PLGRKT: variants seen among roughly 807,000 people sequenced by gnomAD.
PLGRKT encodes the protein plasminogen receptor (KT).
In PLGRKT, 22 loss-of-function variants were observed where a neutral mutation model predicts 18.5. The observed-to-expected ratio is 1.19, with a 90% CI of 0.85 to 1.70. The LOEUF (loss-of-function observed/expected upper bound fraction) is 1.70, where lower values mean the gene tolerates loss of function less well. PLGRKT is among the 40% of genes most tolerant of loss of function. PLGRKT has a pLI of 0.00. For synonymous variants in PLGRKT, 72 were observed against 52.8 expected (o/e 1.36, Z -1.58); for missense variants, 235 against 174.4 (o/e 1.35, Z -1.96).
intron 3 of PLGRKT, among the ~76,000 whole-genome samples, chr9:5,376,571 T>C (rs1214819640): frequency 6.6e-6 from 1 of 152,198 alleles, no homozygotes; most frequent in Non-Finnish European, 1.5e-5. Context: ...TACTCTTTGA[T>C]CTAGTAATTC....
intron 3 of PLGRKT, among the ~76,000 whole-genome samples, chr9:5,388,220 A>G (rs1817881952): frequency 1.3e-5 from 2 of 151,844 alleles, no homozygotes; most frequent in African/African-American, 4.9e-5. Context: ...GAGGCAAAGG[A>G]GACTGAGACA....
intron 3 of PLGRKT, among the ~76,000 whole-genome samples, chr9:5,367,034 C>CAT (rs1259002339): frequency 4.4e-5 from 6 of 137,798 alleles, no homozygotes; most frequent in African/African-American, 1.4e-4. Context: ...CACACATACA[C>CAT]ACACACACAC....
At chr9:5,408,571 T>A (rs534390921) in intron 3 of PLGRKT, among the ~76,000 whole-genome samples, 1 of 152,286 alleles carries the variant, frequency 6.6e-6, no homozygotes, top group East Asian at 1.9e-4. Flanking sequence ...AAAGGGAGCA[T>A]AAAAGTTTAC....
At chr9:5,386,126 G>T (rs981793516) in intron 3 of PLGRKT, among the ~76,000 whole-genome samples, 1 of 151,860 alleles carries the variant, frequency 6.6e-6, no homozygotes, top group African/African-American at 2.4e-5. Flanking sequence ...ATTGATGTCA[G>T]TAAGAAGTCC....
intron 3 of PLGRKT, among the ~76,000 whole-genome samples, chr9:5,400,795 T>C (rs1437387361): frequency 1.3e-5 from 2 of 151,970 alleles, no homozygotes; most frequent in Non-Finnish European, 2.9e-5. Flanking sequence ...ATCCTTAACA[T>C]AAACAAATGT....
intron 3 of PLGRKT, among the ~76,000 whole-genome samples, chr9:5,406,218 A>G (rs1818254479): frequency 6.6e-6 from 1 of 152,238 alleles, no homozygotes; most frequent in South Asian, 2.1e-4. Flanking sequence ...TCAAAGATTT[A>G]GAACCGAAAA....
chr9:5,419,152 C>A (rs1342489742), intron 3 of PLGRKT, among the ~76,000 whole-genome samples: 1 of 152,194 alleles, frequency 6.6e-6, no homozygotes, highest in Non-Finnish European at 1.5e-5. Flanking sequence ...AGCTCAGAGC[C>A]AGCAGCGGGG....
At chr9:5,361,989 T>A in intron 3 of PLGRKT, 101 bp from the exon 4 acceptor site, 1 of 1,163,078 alleles carries the variant, frequency 8.6e-7, no homozygotes, top group Non-Finnish European at 1.2e-6. Context: ...TCAATTGCTT[T>A]AATTCATGTT....
intron 3 of PLGRKT, among the ~76,000 whole-genome samples, chr9:5,380,240 C>T (rs770098331): frequency 6.6e-6 from 1 of 151,936 alleles, no homozygotes; most frequent in Non-Finnish European, 1.5e-5. Context: ...TGGTGGGCAC[C>T]TGTAGTCCCA....
chr9:5,413,053 T>C (rs904702228), intron 3 of PLGRKT, among the ~76,000 whole-genome samples: 2 of 152,136 alleles, frequency 1.3e-5, no homozygotes, highest in African/African-American at 2.4e-5. Context: ...TTCTTGCTTG[T>C]CAGGCTAGCA....
At chr9:5,386,567 T>A (rs915931464) in intron 3 of PLGRKT, among the ~76,000 whole-genome samples, 2 of 151,776 alleles carry the variant, frequency 1.3e-5, no homozygotes, top group Admixed American at 6.6e-5. Flanking sequence ...CTGGCCTCAA[T>A]TAAAGAGGCC....
chr9:5,399,329 T>G (rs1035025009), intron 3 of PLGRKT, among the ~76,000 whole-genome samples: 2 of 151,926 alleles, frequency 1.3e-5, no homozygotes, highest in Non-Finnish European at 2.9e-5. Context: ...CTACAGTAGT[T>G]TCCCCCCTGA....
intron 3 of PLGRKT, among the ~76,000 whole-genome samples, chr9:5,373,408 A>T (rs1817566444): frequency 6.6e-6 from 1 of 152,162 alleles, no homozygotes; most frequent in African/African-American, 2.4e-5. Context: ...CTTTCTCAAC[A>T]TTTCTTGAGG....
intron 3 of PLGRKT, among the ~76,000 whole-genome samples, chr9:5,397,561 G>C (rs1428398567): frequency 2.6e-5 from 4 of 151,438 alleles, no homozygotes; most frequent in Non-Finnish European, 5.9e-5. Context: ...GGGAGGGAAG[G>C]AAAGAAAGAA....
chr9:5,375,382 C>T (rs184752716), intron 3 of PLGRKT, among the ~76,000 whole-genome samples: 79 of 152,242 alleles, frequency 5.2e-4, no homozygotes, highest in African/African-American at 1.8e-3. Context: ...CATGAGCTTC[C>T]AGGAACAATG....
intron 3 of PLGRKT, among the ~76,000 whole-genome samples, chr9:5,380,605 T>A (rs949517857): frequency 1.3e-5 from 2 of 152,136 alleles, no homozygotes; most frequent in African/African-American, 2.4e-5. Context: ...TCCTTCCCTG[T>A]TTTACTGAAC....
At position 5,434,491 on chromosome 9, in the gene PLGRKT, G is replaced by A. The variant is rs183763763; in HGVS notation, c.-7+2078C>T. 5.9e-4 allele frequency among the ~76,000 whole-genome samples: 85 copies of A among 144,412 alleles called. 1 individual carries two copies. Among genetic ancestry groups the A allele is most frequent in the African/African-American group, 1.8e-3 (69 of 38,150 alleles). 94.7% of individuals were successfully genotyped at this position (144,412 alleles called of 152,430 possible). On this transcript the variant is annotated intron_variant, in intron 2 of 5. Transcript: ENST00000223864. ...AGGGGTGTCTCTGCCCGGCTGCCCC[G>A]CCTGGGAAGTGAGGGGCACCTCTGC...
At chr9:5,432,744 C>T (rs753861852) in intron 2 of PLGRKT, among the ~76,000 whole-genome samples, 4 of 152,200 alleles carry the variant, frequency 2.6e-5, no homozygotes, top group East Asian at 1.9e-4. Context: ...GTGATCTGCC[C>T]GCCTCGGCCT....
chr9:5,437,569 G>A (rs1818984568), intron 1 of PLGRKT: 2 of 152,252 alleles, frequency 1.3e-5, no homozygotes, highest in Non-Finnish European at 2.9e-5. Flanking sequence ...TAAAGCTACG[G>A]AGAGATCCGG....
Sources: gnomAD v4.1 joint callset for allele counts (sites outside exome capture counted in the v4.1 genomes callset) on GRCh38, gnomAD v4.1.1 for gene constraint, MANE v1.5 for transcripts, NCBI Gene and HGNC (gene_info 2026-07-23, HGNC 2026-07-21) for gene names.